ROR1: variants seen among roughly 807,000 people sequenced by gnomAD.
The protein encoded by ROR1 is ROR family WNT receptor 1, also known as inactive tyrosine-protein kinase transmembrane receptor ROR1.
A neutral mutation model predicts 78.8 loss-of-function variants in ROR1; 19 were observed. The observed-to-expected ratio is 0.24, with a 90% CI of 0.17 to 0.35. ROR1 has a LOEUF of 0.35. Among genes scored for constraint, ROR1 ranks in the 10% least tolerant of loss-of-function variants. ROR1 has a pLI of 1.00. For missense variants in ROR1, 917 were observed against 1,177.8 expected (o/e 0.78, Z 3.24); for synonymous variants, 386 against 433.6 (o/e 0.89, Z 1.36).
At chr1:64,111,698 A>G (rs1459957476) in intron 4 of ROR1, among the ~76,000 whole-genome samples, 2 of 152,186 alleles carry the variant, frequency 1.3e-5, no homozygotes, top group Non-Finnish European at 2.9e-5. Context: ...TCCGTCTGTA[A>G]AATCCTGGTA....
chr1:63,861,700 T>C (rs1645183065), intron 1 of ROR1, among the ~76,000 whole-genome samples: 1 of 152,136 alleles, frequency 6.6e-6, no homozygotes, highest in African/African-American at 2.4e-5. Context: ...ACATAGGAAA[T>C]ATGGTTTTTG....
chr1:64,125,932 G>A lies in ROR1; in HGVS notation c.483-11437G>A, dbSNP rs187592274. Among the ~76,000 whole-genome samples the A allele has an allele frequency of 1.8e-3, 270 of 152,270 alleles. 1 individual carries two copies. Among genetic ancestry groups the A allele is most frequent in the African/African-American group, 6.3e-3 (262 of 41,554 alleles). ...ACTGGGGTTGCATTACTACTACATG[G>A]AAAAGTAAGAACAGTTGCTGTATTT... On this transcript the variant is annotated intron_variant, in intron 4 of 8. Coordinates refer to ENST00000371079, the MANE Select transcript of ROR1 (RefSeq NM_005012.4).
At chr1:63,922,461 T>C (rs914930142) in intron 1 of ROR1, among the ~76,000 whole-genome samples, 3 of 152,198 alleles carry the variant, frequency 2.0e-5, no homozygotes, top group Non-Finnish European at 4.4e-5. Flanking sequence ...GTTCACTTTG[T>C]GCAGGTTATT....
At chr1:64,141,418 AAGGAC>A (rs1340928983) in intron 6 of ROR1, among the ~76,000 whole-genome samples, 1 of 152,056 alleles carries the variant, frequency 6.6e-6, no homozygotes, top group Non-Finnish European at 1.5e-5. Context: ...TTACTATCCC[AAGGAC>A]AGTACCACGG....
intron 1 of ROR1, among the ~76,000 whole-genome samples, chr1:63,847,668 G>A (rs1645089728): frequency 1.3e-5 from 2 of 152,148 alleles, no homozygotes; most frequent in Non-Finnish European, 1.5e-5. Flanking sequence ...TTAGCAACTT[G>A]ATAATTAAAA....
rs149994380 is a variant in ROR1, at chr1:64,177,769, C to G, written c.1728C>G (p.Ser576Arg). The change falls in exon 9 of 9, where the codon AGC becomes AGG. Residue 576 changes from serine (S) to arginine (R), a missense_variant. Ser to Arg is a moderately radical substitution (Grantham distance 110). Transcript: ENST00000371079. ...CCCCACACTCTGATGTTGGCTGCAGCAGTGATGAAGATGGGACTGTGAAAT... is the reference window on the plus strand; with the variant it reads ...CCCCACACTCTGATGTTGGCTGCAGGAGTGATGAAGATGGGACTGTGAAAT... ...MRSPHSDVGC[S>R]SDEDGTVKSS... 58 of 1,613,928 alleles carry G rather than the reference C, an allele frequency of 3.6e-5. No individual in the cohort carries two copies. Among genetic ancestry groups the G allele is most frequent in the Non-Finnish European group, 4.5e-5 (53 of 1,179,956 alleles).
intron 4 of ROR1, among the ~76,000 whole-genome samples, chr1:64,101,221 TG>T (rs1002511355): frequency 3.9e-5 from 6 of 152,088 alleles, no homozygotes; most frequent in African/African-American, 1.4e-4. Flanking sequence ...AACCTTAAAC[TG>T]GGACATCAAG....
chr1:64,036,666 GAATTT>G (rs1557620892), intron 2 of ROR1, among the ~76,000 whole-genome samples: 2 of 152,206 alleles, frequency 1.3e-5, no homozygotes, highest in African/African-American at 2.4e-5. Flanking sequence ...CTTTTCTAGA[GAATTT>G]ACTTCACTCC....
At chr1:63,920,587 G>A (rs1645646441) in intron 1 of ROR1, among the ~76,000 whole-genome samples, 1 of 152,174 alleles carries the variant, frequency 6.6e-6, no homozygotes, top group Non-Finnish European at 1.5e-5. Flanking sequence ...CAAATCAAAA[G>A]CAAGACGAGA....
intron 4 of ROR1, among the ~76,000 whole-genome samples, chr1:64,127,506 GTC>G (rs1177650740): frequency 4.1e-5 from 6 of 145,710 alleles, no homozygotes; most frequent in Admixed American, 6.8e-5. Flanking sequence ...CTCTCTCTCT[GTC>G]TCTCTCTCTC....
At chr1:63,892,802 C>G (rs1359738854) in intron 1 of ROR1, among the ~76,000 whole-genome samples, 1 of 152,114 alleles carries the variant, frequency 6.6e-6, no homozygotes, top group Non-Finnish European at 1.5e-5. Context: ...TGAGGCCCTT[C>G]TAGCTATGCA....
At chr1:63,777,141 C>T (rs1346175526) in intron 1 of ROR1, among the ~76,000 whole-genome samples, 1 of 152,142 alleles carries the variant, frequency 6.6e-6, no homozygotes, top group African/African-American at 2.4e-5. Context: ...CTTTAGGAAC[C>T]TGAAGCTTAC....
intron 4 of ROR1, among the ~76,000 whole-genome samples, chr1:64,131,475 C>T (rs968514134): frequency 6.6e-6 from 1 of 152,110 alleles, no homozygotes; most frequent in Admixed American, 6.5e-5. Context: ...CGACCTCCCC[C>T]ACCTTGAGGC....
chr1:63,878,400 G>A (rs185588933), intron 1 of ROR1, among the ~76,000 whole-genome samples: 214 of 152,276 alleles, frequency 1.4e-3, no homozygotes, highest in Non-Finnish European at 2.8e-3. Flanking sequence ...TTGCTTAACA[G>A]TTTCAAGACC....
At chr1:64,176,541 A>G (rs1337572411) in intron 8 of ROR1, among the ~76,000 whole-genome samples, 1 of 152,188 alleles carries the variant, frequency 6.6e-6, no homozygotes, top group Non-Finnish European at 1.5e-5. Flanking sequence ...TGGTAAGTGG[A>G]GAAGGCAGGA....
At chr1:63,845,223 T>C (rs572109614) in intron 1 of ROR1, among the ~76,000 whole-genome samples, 1 of 152,320 alleles carries the variant, frequency 6.6e-6, no homozygotes, top group East Asian at 1.9e-4. Context: ...TTCAAATAAT[T>C]AGAGCACAGC....
chr1:64,134,939 G>A (rs959100028), intron 4 of ROR1, among the ~76,000 whole-genome samples: 1 of 151,914 alleles, frequency 6.6e-6, no homozygotes, highest in African/African-American at 2.4e-5. Flanking sequence ...AGTAGAGATG[G>A]GGTTTCACCA....
At chr1:64,076,336 G>A (rs1017199247) in intron 4 of ROR1, among the ~76,000 whole-genome samples, 2 of 152,106 alleles carry the variant, frequency 1.3e-5, no homozygotes, top group African/African-American at 4.8e-5. Context: ...GGGCAAAGGT[G>A]ACCTTTTCAT....
chr1:63,829,533 C>T (rs947790391), intron 1 of ROR1, among the ~76,000 whole-genome samples: 1 of 152,062 alleles, frequency 6.6e-6, no homozygotes, highest in African/African-American at 2.4e-5. Flanking sequence ...GGGCATTCAA[C>T]AGGCGAAGGG....
Sources: allele counts gnomAD v4.1 joint callset (sites outside exome capture counted in the v4.1 genomes callset), GRCh38; gene constraint gnomAD v4.1.1; transcripts MANE v1.5; gene names NCBI Gene and HGNC (gene_info 2026-07-23, HGNC 2026-07-21).